DEUP1: variants seen among roughly 807,000 people sequenced by gnomAD.
The protein encoded by DEUP1 is coiled-coil domain containing 67.
A neutral mutation model predicts 87.4 loss-of-function variants in DEUP1; 82 were observed. That is an observed-to-expected ratio of 0.94 (90% CI 0.78 to 1.13). The LOEUF (loss-of-function observed/expected upper bound fraction) is 1.13, where lower values mean the gene tolerates loss of function less well. DEUP1 is among the 50% of genes most tolerant of loss of function. The pLI is 0.00. For missense variants in DEUP1, 663 were observed against 681.5 expected, an observed-to-expected ratio of 0.97 and a Z score of 0.30; for synonymous variants, 214 against 222.7, an observed-to-expected ratio of 0.96 and a Z score of 0.35.
intron 9 of DEUP1, among the ~76,000 whole-genome samples, chr11:93,393,400 C>A (rs1255611830): frequency 6.6e-6 from 1 of 151,824 alleles, no homozygotes. Flanking sequence ...GTGGCATGAT[C>A]TCAGCCCACT....
At chr11:93,412,542 T>C (rs1947467121) in intron 12 of DEUP1, among the ~76,000 whole-genome samples, 1 of 152,200 alleles carries the variant, frequency 6.6e-6, no homozygotes, top group Admixed American at 6.5e-5. Context: ...CTAAAAAGAA[T>C]GTCCCTATAT....
chr11:93,349,556 C>A (rs1944526539), intron 2 of DEUP1, among the ~76,000 whole-genome samples: 1 of 147,196 alleles, frequency 6.8e-6, no homozygotes, highest in African/African-American at 2.5e-5. Context: ...CTTAAAGTTC[C>A]AAATGGTATG....
rs185172158 is a variant in DEUP1, at chr11:93,398,038, C to A, written c.1326+1713C>A. Among the ~76,000 whole-genome samples, 649 of 151,958 alleles carry A rather than the reference C, an allele frequency of 4.3e-3. 4 individuals carry two copies. Among genetic ancestry groups the A allele is most frequent in the Admixed American group, 7.8e-3 (119 of 15,252 alleles). On this transcript the variant is annotated intron_variant, in intron 11 of 13. Transcript: ENST00000298050. Reference sequence around the variant, plus strand: ...CTCCACTCATCTACCCGCATTATACCCCCTCCTCTAGATGATACATGTTAA... The same window carrying A: ...CTCCACTCATCTACCCGCATTATACACCCTCCTCTAGATGATACATGTTAA...
chr11:93,376,478 A>G (rs1946048447), intron 7 of DEUP1, among the ~76,000 whole-genome samples: 1 of 151,968 alleles, frequency 6.6e-6, no homozygotes, highest in Admixed American at 6.6e-5. Context: ...CTCCTGTTTC[A>G]TTTCTAATTG....
chr11:93,401,104 G>A lies in DEUP1; in HGVS notation c.1326+4779G>A, dbSNP rs189128598. On this transcript the variant is annotated intron_variant, in intron 11 of 13. Coordinates refer to ENST00000298050, the MANE Select transcript of DEUP1 (RefSeq NM_181645.4). The stretch of plus-strand genomic sequence containing the variant: ...GATAAACAAATTCAGTAAAGTTTCA[G>A]GATATAAAAACATACCAAAACAAGT... 1.9e-3 allele frequency among the ~76,000 whole-genome samples: 288 copies of A among 152,050 alleles called. 15 individuals carry two copies. Among genetic ancestry groups the A allele is most frequent in the Middle Eastern group, 0.01 (3 of 294 alleles).
chr11:93,408,182 T>C (rs1591239837), intron 11 of DEUP1, 49 bp from the exon 12 acceptor site: 1 of 1,286,930 alleles, frequency 7.8e-7, no homozygotes, highest in East Asian at 2.8e-5. Context: ...AAAATATGCA[T>C]TACTTATAAG....
chr11:93,355,049 T>C (rs1944829608), intron 2 of DEUP1, among the ~76,000 whole-genome samples: 1 of 152,192 alleles, frequency 6.6e-6, no homozygotes, highest in African/African-American at 2.4e-5. Context: ...GAAGTTATGA[T>C]AGACATAGGT....
chr11:93,367,193 C>T (rs1367777839), intron 5 of DEUP1, among the ~76,000 whole-genome samples: 1 of 152,106 alleles, frequency 6.6e-6, no homozygotes, highest in Non-Finnish European at 1.5e-5. Context: ...TCAGGTCACC[C>T]ACCTTTCATT....
chr11:93,433,802 G>A (rs1420264260), intron 13 of DEUP1, among the ~76,000 whole-genome samples: 1 of 152,194 alleles, frequency 6.6e-6, no homozygotes, highest in African/African-American at 2.4e-5. Flanking sequence ...TGTGGTCTGA[G>A]CTACAAACTA....
At chr11:93,349,477 A>G (rs1052042170) in intron 2 of DEUP1, among the ~76,000 whole-genome samples, 6 of 152,200 alleles carry the variant, frequency 3.9e-5, no homozygotes, top group African/African-American at 1.4e-4. Flanking sequence ...AAATAAAAGT[A>G]TATGGCACCT....
At position 93,355,375 on chromosome 11, in the gene DEUP1, T is replaced by C; in HGVS notation, c.34T>C (p.Ser12Pro). The change falls in exon 3 of 14, where the codon TCT (serine) becomes CCT (proline). Residue 12 changes from serine to proline, a missense_variant. Coordinates refer to ENST00000298050, the MANE Select transcript of DEUP1 (RefSeq NM_181645.4). ...TTACTTTCCTACAATTGCCAGAACT[T>C]CTCCTTGTGAGGCTGAGCTTCAGGA... ...ENQAHNTMGTSPCEAELQELM... is the reference protein window; with the variant it reads ...ENQAHNTMGTPPCEAELQELM... The C allele has an allele frequency of 6.2e-7, 1 of 1,612,492 alleles. No individual in the cohort carries two copies. Among genetic ancestry groups the C allele is most frequent in the Non-Finnish European group, 8.5e-7 (1 of 1,179,442 alleles).
chr11:93,331,416 A>G (rs990737279), intron 1 of DEUP1, among the ~76,000 whole-genome samples: 1 of 151,676 alleles, frequency 6.6e-6, no homozygotes, highest in Non-Finnish European at 1.5e-5. Context: ...TATTTTGTCA[A>G]GAGGTGAGCC....
chr11:93,373,824 T>C (rs976394771), intron 7 of DEUP1, among the ~76,000 whole-genome samples: 1 of 151,980 alleles, frequency 6.6e-6, no homozygotes. Context: ...GATTGCTGGA[T>C]CAAATGGTAG....
At chr11:93,332,064 C>A (rs1458998989) in intron 1 of DEUP1, 152 bp from the exon 2 acceptor site, 1 of 478,826 alleles carries the variant, frequency 2.1e-6, no homozygotes, top group African/African-American at 1.9e-5. Context: ...AAAACCAAAA[C>A]AGAAAACTCA....
chr11:93,389,104 T>C lies in DEUP1; in HGVS notation c.1020T>C (p.Asn340=). 1 of 1,594,772 alleles carries C rather than the reference T, an allele frequency of 6.3e-7. No individual in the cohort carries two copies. ...TTTCAGTGATGCAAGATCAACCAAA[T>C]CATGAAAAAGAATTGAACAAGGTAT... ...ELFSVMQDQP[N]HEKELNKIRS... is the part of the protein sequence containing the mutation. Residue 340 remains asparagine, a synonymous_variant, in exon 9 of 14, where the codon AAT becomes AAC. Transcript: ENST00000298050.
intron 13 of DEUP1, among the ~76,000 whole-genome samples, chr11:93,419,968 C>T (rs1947815785): frequency 6.6e-6 from 1 of 151,926 alleles, no homozygotes; most frequent in Non-Finnish European, 1.5e-5. Context: ...GATTCACAGC[C>T]GAATTCTACC....
intron 8 of DEUP1, among the ~76,000 whole-genome samples, chr11:93,387,889 T>C (rs1416061841): frequency 2.0e-5 from 3 of 152,126 alleles, no homozygotes; most frequent in Non-Finnish European, 4.4e-5. Context: ...TATGTTCTAA[T>C]TATATGGGAA....
At chr11:93,362,240 G>T (rs1565307664) in intron 4 of DEUP1, among the ~76,000 whole-genome samples, 1 of 151,976 alleles carries the variant, frequency 6.6e-6, no homozygotes, top group Non-Finnish European at 1.5e-5. Context: ...TAAAACTTTT[G>T]TGCTTCAAAG....
At chr11:93,406,337 A>G (rs1310075091) in intron 11 of DEUP1, among the ~76,000 whole-genome samples, 1 of 151,948 alleles carries the variant, frequency 6.6e-6, no homozygotes, top group African/African-American at 2.4e-5. Flanking sequence ...ATCAGACCGC[A>G]ATCTATATTA....
Sources: gnomAD v4.1 joint callset for allele counts (sites outside exome capture counted in the v4.1 genomes callset) on GRCh38, gnomAD v4.1.1 for gene constraint, MANE v1.5 for transcripts, NCBI Gene and HGNC (gene_info 2026-07-23, HGNC 2026-07-21) for gene names.